Variants in PDE3A observed in about 807,000 individuals in gnomAD.
PDE3A encodes the protein cGMP-inhibited 3',5'-cyclic phosphodiesterase 3A.
In PDE3A, 43 loss-of-function variants were observed where a neutral mutation model predicts 98.3. That is an observed-to-expected ratio of 0.44 (90% CI 0.34 to 0.56). The LOEUF (loss-of-function observed/expected upper bound fraction) is 0.56, where lower values mean the gene tolerates loss of function less well. Ranked by LOEUF, PDE3A falls within the 20% of genes least tolerant of loss-of-function variation. PDE3A has a pLI of 0.01. For synonymous variants in PDE3A, 663 were observed against 567.9 expected (o/e 1.17, Z -2.38); for missense variants, 1,427 against 1,440.7 (o/e 0.99, Z 0.15).
chr12:20,626,670 G>T (rs1944270204), intron 5 of PDE3A, among the ~76,000 whole-genome samples: 1 of 151,992 alleles, frequency 6.6e-6, no homozygotes, highest in Non-Finnish European at 1.5e-5. Context: ...GCTAATTTTT[G>T]TATTTTTAGT....
At chr12:20,476,374 C>T (rs866536091) in intron 1 of PDE3A, among the ~76,000 whole-genome samples, 11 of 151,908 alleles carry the variant, frequency 7.2e-5, no homozygotes, top group Non-Finnish European at 1.2e-4. Flanking sequence ...TTGAGTTTTG[C>T]GGGATATATT....
At chr12:20,383,588 T>C (rs189987502) in intron 1 of PDE3A, among the ~76,000 whole-genome samples, 3 of 152,134 alleles carry the variant, frequency 2.0e-5, no homozygotes, top group African/African-American at 7.2e-5. Context: ...TCTTTCAGTC[T>C]AGTCTGAGGT....
chr12:20,605,493 C>CT (rs1313977891), intron 2 of PDE3A, among the ~76,000 whole-genome samples: 1 of 150,752 alleles, frequency 6.6e-6, no homozygotes, highest in African/African-American at 2.4e-5. Context: ...AAATCTTTTT[C>CT]TTTTTTCTTA....
chr12:20,603,203 G>T (rs1943633895), intron 2 of PDE3A, among the ~76,000 whole-genome samples: 1 of 152,130 alleles, frequency 6.6e-6, no homozygotes, highest in South Asian at 2.1e-4. Flanking sequence ...CTCTTACACT[G>T]TTTATTCGTC....
Position 20,648,702 on chromosome 12 carries a change from C to T in PDE3A, c.2580C>T (p.Asn860=), listed in dbSNP as rs377609726. ...TATTTGCCTAGGCGGTGCTATATAACGATCGTTCAGTTTTGGAGAATCATC... is the reference window on the plus strand; with the variant it reads ...TATTTGCCTAGGCGGTGCTATATAATGATCGTTCAGTTTTGGAGAATCATC... ...ATSAPQAVLY[N]DRSVLENHHA... Residue 860 remains asparagine (N), a synonymous_variant, in exon 13 of 16, where the codon AAC becomes AAT. Coordinates refer to ENST00000359062, the MANE Select transcript of PDE3A (RefSeq NM_000921.5). 2.3e-4 allele frequency: 366 copies of T among 1,609,344 alleles called. No homozygotes were observed. Among genetic ancestry groups the T allele is most frequent in the Non-Finnish European group, 1.4e-4 (161 of 1,175,810 alleles).
At chr12:20,646,650 G>A (rs1371011228) in intron 11 of PDE3A, 47 bp downstream of exon 11, 20 of 1,399,546 alleles carry the variant, frequency 1.4e-5, no homozygotes, top group Non-Finnish European at 2.0e-5. Flanking sequence ...ATGGGAACAA[G>A]GGTGTTTTTG....
chr12:20,393,290 T>C (rs1345958920), intron 1 of PDE3A, among the ~76,000 whole-genome samples: 4 of 151,892 alleles, frequency 2.6e-5, no homozygotes, highest in African/African-American at 4.8e-5. Flanking sequence ...ACATCTTACA[T>C]AGATGGCGGC....
At chr12:20,535,089 A>C (rs1224800971) in intron 1 of PDE3A, among the ~76,000 whole-genome samples, 2 of 152,164 alleles carry the variant, frequency 1.3e-5, no homozygotes, top group Non-Finnish European at 2.9e-5. Flanking sequence ...TGATAGACTC[A>C]TCTTTCTGAA....
intron 1 of PDE3A, among the ~76,000 whole-genome samples, chr12:20,443,770 A>G (rs1452525395): frequency 6.6e-6 from 1 of 152,196 alleles, no homozygotes; most frequent in Non-Finnish European, 1.5e-5. Context: ...AGAAATAGGT[A>G]TTATTCTACT....
At chr12:20,442,336 A>G (rs576337713) in intron 1 of PDE3A, among the ~76,000 whole-genome samples, 1 of 152,324 alleles carries the variant, frequency 6.6e-6, no homozygotes, top group South Asian at 2.1e-4. Context: ...GCTTACAACA[A>G]AAAAGATTTC....
chr12:20,505,486 G>C (rs967660510), intron 1 of PDE3A, among the ~76,000 whole-genome samples: 2 of 151,950 alleles, frequency 1.3e-5, no homozygotes, highest in Admixed American at 6.6e-5. Context: ...TCTCAAGGGG[G>C]CTCTTTTGTA....
chr12:20,522,091 C>T (rs1256371211), intron 1 of PDE3A, among the ~76,000 whole-genome samples: 1 of 152,066 alleles, frequency 6.6e-6, no homozygotes, highest in Admixed American at 6.6e-5. Context: ...TCGGGCTGTC[C>T]ACTAGATTCC....
rs536987389 is a variant in PDE3A at position 20,473,688 on chromosome 12, A to T, written c.961-82972A>T. ...GCATGGATCTCTTAAAAATAGAATT[A>T]TATATATATATGTTTATTTTTGTCT... On this transcript the variant is annotated intron_variant, in intron 1 of 15. Coordinates refer to ENST00000359062, the MANE Select transcript of PDE3A (RefSeq NM_000921.5). Among the ~76,000 whole-genome samples the T allele has an allele frequency of 1.1e-3, 173 of 151,970 alleles. 2 individuals are homozygous for T. The highest frequency in any genetic ancestry group is 4.1e-3 in the African/African-American group (168 of 41,466).
chr12:20,424,872 G>GT (rs1228493227), intron 1 of PDE3A, among the ~76,000 whole-genome samples: 1 of 152,168 alleles, frequency 6.6e-6, no homozygotes, highest in Non-Finnish European at 1.5e-5. Context: ...TTCGTTCATT[G>GT]TAACACCCAC....
chr12:20,678,037 C>T (rs1945685343), intron 15 of PDE3A, among the ~76,000 whole-genome samples: 1 of 152,134 alleles, frequency 6.6e-6, no homozygotes, highest in African/African-American at 2.4e-5. Context: ...CTGCTCAGGA[C>T]TTGGTGGATA....
chr12:20,582,101 G>T (rs1943082306), intron 2 of PDE3A, among the ~76,000 whole-genome samples: 1 of 151,948 alleles, frequency 6.6e-6, no homozygotes, highest in South Asian at 2.1e-4. Context: ...CCTCTAAAAA[G>T]AACTTTTAAT....
chr12:20,424,869 A>T (rs1305273239), intron 1 of PDE3A, among the ~76,000 whole-genome samples: 1 of 152,226 alleles, frequency 6.6e-6, no homozygotes, highest in Non-Finnish European at 1.5e-5. Context: ...AATTTCGTTC[A>T]TTGTAACACC....
chr12:20,394,761 T>C (rs752174083), intron 1 of PDE3A, among the ~76,000 whole-genome samples: 4 of 152,066 alleles, frequency 2.6e-5, no homozygotes, highest in Non-Finnish European at 5.9e-5. Context: ...GGGTATTGCA[T>C]TGATTGTCAA....
intron 1 of PDE3A, among the ~76,000 whole-genome samples, chr12:20,538,754 C>T (rs999303382): frequency 2.0e-5 from 3 of 152,104 alleles, no homozygotes; most frequent in African/African-American, 7.2e-5. Flanking sequence ...AAGCAATCCT[C>T]CTGCCTCAGC....
Sources: gnomAD v4.1 joint callset for allele counts (sites outside exome capture counted in the v4.1 genomes callset) on GRCh38, gnomAD v4.1.1 for gene constraint, MANE v1.5 for transcripts, NCBI Gene and HGNC (gene_info 2026-07-23, HGNC 2026-07-21) for gene names.